Variants in BMPR1B observed in about 807,000 individuals in gnomAD.
The protein encoded by BMPR1B is bone morphogenetic protein receptor type-1B.
Under a neutral mutation model 59.1 loss-of-function variants are expected in BMPR1B, and 12 were observed. The observed-to-expected ratio is 0.20, with a 90% CI of 0.13 to 0.33. The LOEUF is 0.33. Ranked by LOEUF, BMPR1B falls within the 10% of genes least tolerant of loss-of-function variation. BMPR1B has a pLI of 1.00. For missense variants in BMPR1B, 550 were observed against 610.9 expected (o/e 0.90, Z 1.05); for synonymous variants, 237 against 207.3 (o/e 1.14, Z -1.23).
chr4:94,900,232 T>C (rs1727757622), intron 2 of BMPR1B, among the ~76,000 whole-genome samples: 1 of 151,812 alleles, frequency 6.6e-6, no homozygotes, highest in Non-Finnish European at 1.5e-5. Context: ...CCAAATCTGC[T>C]TCAGTGCTGG....
intron 2 of BMPR1B, among the ~76,000 whole-genome samples, chr4:94,908,061 TAAAAAAAAAAA>T (rs571793477): frequency 1.1e-4 from 5 of 46,256 alleles, no homozygotes; most frequent in East Asian, 1.2e-3. Flanking sequence ...ACCCTGTCTT[TAAAAAAAAAAA>T]AAAAAAAAAA....
At chr4:94,798,230 C>T (rs543776294) in intron 1 of BMPR1B, among the ~76,000 whole-genome samples, 1 of 152,314 alleles carries the variant, frequency 6.6e-6, no homozygotes, top group African/African-American at 2.4e-5. Flanking sequence ...CTTGGATTCT[C>T]ACTTCCTTTG....
intron 2 of BMPR1B, among the ~76,000 whole-genome samples, chr4:94,986,252 A>G (rs532974074): frequency 6.6e-6 from 1 of 152,264 alleles, no homozygotes; most frequent in African/African-American, 2.4e-5. Flanking sequence ...TATGTTTTCT[A>G]CTTTTACTAT....
intron 3 of BMPR1B, among the ~76,000 whole-genome samples, chr4:95,012,463 A>C (rs185200328): frequency 2.0e-5 from 3 of 152,168 alleles, no homozygotes; most frequent in Non-Finnish European, 4.4e-5. Flanking sequence ...TTATTATTTC[A>C]ATATGTTGTA....
chr4:95,048,454 G>T (rs1000274799), intron 3 of BMPR1B, among the ~76,000 whole-genome samples: 2 of 152,072 alleles, frequency 1.3e-5, no homozygotes, highest in African/African-American at 4.8e-5. Context: ...CCACAGCCTT[G>T]CCAGCATTTG....
rs28649036 is a variant in BMPR1B, at chr4:94,817,061, C to T, written c.-182-58770C>T. 7.5e-3 allele frequency among the ~76,000 whole-genome samples: 1,139 copies of T among 152,228 alleles called. 17 individuals carry two copies. The highest frequency in any genetic ancestry group is 0.026 in the African/African-American group (1,088 of 41,540). ...TTCACTTTGTTCTGATATTCTGCCA[C>T]GTGCGGGACACATCGTTCCTCCCCT... On this transcript the variant is annotated intron_variant, in intron 1 of 12. Coordinates refer to ENST00000515059, the MANE Select transcript of BMPR1B (RefSeq NM_001203.3).
chr4:94,823,121 T>C (rs949902520), intron 1 of BMPR1B, among the ~76,000 whole-genome samples: 1 of 145,210 alleles, frequency 6.9e-6, no homozygotes, highest in Non-Finnish European at 1.6e-5. Context: ...AGAAACTCTT[T>C]TAATTGCTTA....
chr4:94,931,679 G>A (rs1035602833), intron 2 of BMPR1B, among the ~76,000 whole-genome samples: 3 of 152,060 alleles, frequency 2.0e-5, no homozygotes, highest in Non-Finnish European at 4.4e-5. Flanking sequence ...AAGAAAACCC[G>A]TGAAAATAGA....
intron 2 of BMPR1B, among the ~76,000 whole-genome samples, chr4:94,885,238 G>A (rs1212454839): frequency 6.6e-6 from 1 of 152,168 alleles, no homozygotes; most frequent in Non-Finnish European, 1.5e-5. Flanking sequence ...TTTTAGGGTA[G>A]CTTATTTTTG....
At chr4:95,027,906 A>G (rs1578952884) in intron 3 of BMPR1B, among the ~76,000 whole-genome samples, 1 of 152,170 alleles carries the variant, frequency 6.6e-6, no homozygotes, top group African/African-American at 2.4e-5. Flanking sequence ...TAAGCTTTCC[A>G]CTATAGAAGA....
intron 1 of BMPR1B, 75 bp from the exon 2 acceptor site, chr4:94,875,756 A>G (rs1726702905): frequency 6.6e-6 from 1 of 152,658 alleles, no homozygotes; most frequent in African/African-American, 2.4e-5. Context: ...ATGATTCTGC[A>G]TTTGAACTGG....
chr4:94,962,317 T>C (rs1336726896), intron 2 of BMPR1B, among the ~76,000 whole-genome samples: 2 of 152,186 alleles, frequency 1.3e-5, no homozygotes, highest in East Asian at 3.9e-4. Context: ...TTTGTATTTT[T>C]AGTAGAGACA....
At chr4:94,815,079 A>G (rs1723960547) in intron 1 of BMPR1B, among the ~76,000 whole-genome samples, 1 of 151,752 alleles carries the variant, frequency 6.6e-6, no homozygotes, top group African/African-American at 2.4e-5. Context: ...AATTTTTTGT[A>G]TTTTTAGTAG....
At chr4:95,091,915 T>C (rs1264169938) in intron 3 of BMPR1B, among the ~76,000 whole-genome samples, 2 of 152,112 alleles carry the variant, frequency 1.3e-5, no homozygotes, top group Non-Finnish European at 2.9e-5. Context: ...TTTTGTGTTA[T>C]GTGTGAGTGC....
chr4:95,122,366 A>T (rs1260332765), intron 6 of BMPR1B, among the ~76,000 whole-genome samples: 1 of 152,080 alleles, frequency 6.6e-6, no homozygotes, highest in Non-Finnish European at 1.5e-5. Flanking sequence ...TTGCAATAAT[A>T]AATAATTTCA....
At chr4:95,019,243 C>A (rs374433031) in intron 3 of BMPR1B, among the ~76,000 whole-genome samples, 1 of 152,104 alleles carries the variant, frequency 6.6e-6, no homozygotes, top group African/African-American at 2.4e-5. Flanking sequence ...TTGTGCCCAG[C>A]GTCCTCATTT....
intron 3 of BMPR1B, among the ~76,000 whole-genome samples, chr4:95,044,419 T>C (rs2149177459): frequency 6.6e-6 from 1 of 152,336 alleles, no homozygotes; most frequent in South Asian, 2.1e-4. Flanking sequence ...CTGCTCTCCA[T>C]GAGTGCATAA....
chr4:94,828,373 AT>A (rs1241642991), intron 1 of BMPR1B, among the ~76,000 whole-genome samples: 1 of 152,140 alleles, frequency 6.6e-6, no homozygotes, highest in East Asian at 1.9e-4. Context: ...CAATAACAGA[AT>A]TTTTTCTGCT....
intron 5 of BMPR1B, among the ~76,000 whole-genome samples, chr4:95,115,351 G>A (rs1390361523): frequency 1.3e-5 from 2 of 152,044 alleles, no homozygotes; most frequent in African/African-American, 4.8e-5. Flanking sequence ...TATTTTTGCT[G>A]TTAACGTCTT....
Sources: allele counts gnomAD v4.1 joint callset (sites outside exome capture counted in the v4.1 genomes callset), GRCh38; gene constraint gnomAD v4.1.1; transcripts MANE v1.5; gene names NCBI Gene and HGNC (gene_info 2026-07-23, HGNC 2026-07-21).